Variants in IDE observed in about 807,000 individuals in gnomAD.
IDE encodes insulin degrading enzyme, also known as insulin-degrading enzyme.
Under a neutral mutation model 133.2 loss-of-function variants are expected in IDE, and 58 were observed. That is an observed-to-expected ratio of 0.44 (90% CI 0.35 to 0.54). IDE has a LOEUF of 0.54. Among genes scored for constraint, IDE ranks in the 20% least tolerant of loss-of-function variants. IDE has a pLI of 0.00. For synonymous variants in IDE, 396 were observed against 421.3 expected, an observed-to-expected ratio of 0.94 and a Z score of 0.73; for missense variants, 981 against 1,234.0, an observed-to-expected ratio of 0.79 and a Z score of 3.07.
chr10:92,574,062 T>A lies in IDE; in HGVS notation c.-43A>T, dbSNP rs1478605094. The A allele has an allele frequency of 2.1e-6, 3 of 1,456,572 alleles. No individual in the cohort carries two copies. Among genetic ancestry groups the A allele is most frequent in the South Asian group, 1.3e-5 (1 of 78,136 alleles). The allele number at this position is 1,456,572 out of a possible 1,614,324, so 90.2% of individuals were successfully genotyped here. ...GGGATCACCGCAAACGCTTCCTGCT[T>A]GCGCTTCGAGCCGGCCCTGCGCACT... On this transcript the variant is annotated 5_prime_UTR_variant, in exon 1 of 25. Transcript: ENST00000265986.
chr10:92,544,372 G>C (rs915239933), intron 1 of IDE, among the ~76,000 whole-genome samples: 4 of 152,116 alleles, frequency 2.6e-5, no homozygotes, highest in African/African-American at 7.2e-5. Context: ...CGTAACAGCT[G>C]TTCGCAGTCA....
Position 92,510,175 on chromosome 10 carries a change from A to G in IDE, c.785-13T>C. On this transcript the variant is annotated splice_polypyrimidine_tract_variant and intron_variant, in intron 5 of 24. Coordinates refer to ENST00000265986, the MANE Select transcript of IDE (RefSeq NM_004969.4). ...TCATCTAAAGATTCTACAAGAAAAC[A>G]GACAAGGAAAACAGAACTTAAGCGA... The G allele has an allele frequency of 7.5e-7, 1 of 1,340,268 alleles. No individual in the cohort carries two copies. Among genetic ancestry groups the G allele is most frequent in the Non-Finnish European group, 1.1e-6 (1 of 939,566 alleles). The allele number at this position is 1,340,268 out of a possible 1,614,324, so 83.0% of individuals were successfully genotyped here.
At chr10:92,535,739 C>T (rs778241150) in intron 2 of IDE, among the ~76,000 whole-genome samples, 15 of 151,956 alleles carry the variant, frequency 9.9e-5, no homozygotes, top group Non-Finnish European at 1.9e-4. Flanking sequence ...TGTACACATA[C>T]ATAAAAAGCA....
intron 9 of IDE, among the ~76,000 whole-genome samples, chr10:92,506,933 T>C (rs902896815): frequency 3.9e-5 from 6 of 152,180 alleles, no homozygotes; most frequent in Admixed American, 6.6e-5. Context: ...TAGGAGTTAT[T>C]GTCATAATTT....
At position 92,479,552 on chromosome 10, in the gene IDE, C is replaced by T. The variant is rs897976637; in HGVS notation, c.1740-131G>A. 8 of 691,954 alleles carry T rather than the reference C, an allele frequency of 1.2e-5. 1 individual carries two copies. Among genetic ancestry groups the T allele is most frequent in the African/African-American group, 1.1e-4 (6 of 55,562 alleles). The allele number at this position is 691,954 out of a possible 1,614,324, so 42.9% of individuals were successfully genotyped here. Reference sequence around the variant, plus strand: ...TGAGGATATGGTTGAATTCTTGAGGCTATTTCTTATGAGGAAAAAAAAGAA... The same window carrying T: ...TGAGGATATGGTTGAATTCTTGAGGTTATTTCTTATGAGGAAAAAAAAGAA... On this transcript the variant is annotated intron_variant, in intron 14 of 24. Transcript: ENST00000265986.
intron 11 of IDE, among the ~76,000 whole-genome samples, chr10:92,502,632 C>T (rs1439003297): frequency 6.6e-6 from 1 of 152,158 alleles, no homozygotes; most frequent in African/African-American, 2.4e-5. Context: ...TGAACTATAT[C>T]TCGCCATCCC....
intron 1 of IDE, among the ~76,000 whole-genome samples, chr10:92,550,418 G>A (rs1007131896): frequency 1.3e-5 from 2 of 152,034 alleles, no homozygotes; most frequent in Admixed American, 1.3e-4. Flanking sequence ...CTAATCATTA[G>A]AAAAGTACAA....
intron 13 of IDE, among the ~76,000 whole-genome samples, chr10:92,486,174 C>G (rs765224096): frequency 2.6e-5 from 4 of 151,970 alleles, no homozygotes; most frequent in African/African-American, 9.7e-5. Context: ...CATGGTGAAA[C>G]CCTGTCTCTA....
intron 4 of IDE, among the ~76,000 whole-genome samples, chr10:92,524,522 T>A (rs1302777081): frequency 1.1e-5 from 1 of 87,550 alleles, no homozygotes; most frequent in Admixed American, 2.0e-4. Flanking sequence ...ATAATATATA[T>A]TATATTATAA....
At chr10:92,560,156 A>C (rs1252228143) in intron 1 of IDE, among the ~76,000 whole-genome samples, 1 of 152,212 alleles carries the variant, frequency 6.6e-6, no homozygotes, top group Non-Finnish European at 1.5e-5. Context: ...GCCATATAAT[A>C]ATATCGATAA....
chr10:92,487,355 T>C (rs1368624673), intron 12 of IDE, 37 bp from the exon 13 acceptor site: 2 of 1,586,652 alleles, frequency 1.3e-6, no homozygotes, highest in Non-Finnish European at 8.6e-7. Context: ...GCAGTAAGAG[T>C]CTGATTTAAG....
chr10:92,458,097 C>T (rs1475282930), intron 22 of IDE, among the ~76,000 whole-genome samples: 1 of 152,132 alleles, frequency 6.6e-6, no homozygotes, highest in Non-Finnish European at 1.5e-5. Context: ...AGATTGTTCC[C>T]GATTTTCTGA....
At chr10:92,537,688 G>T in intron 1 of IDE, 138 bp from the exon 2 acceptor site, 1 of 612,324 alleles carries the variant, frequency 1.6e-6, no homozygotes, top group Non-Finnish European at 2.8e-6. Flanking sequence ...ACTCTACAGG[G>T]TGCAGTCATT....
intron 1 of IDE, among the ~76,000 whole-genome samples, chr10:92,543,775 C>G (rs1430124495): frequency 2.0e-5 from 3 of 152,186 alleles, no homozygotes; most frequent in Non-Finnish European, 4.4e-5. Flanking sequence ...AAGCTTAACA[C>G]AGAACACTTT....
At chr10:92,515,126 AG>A in intron 4 of IDE, 84 bp from the exon 5 acceptor site, 2 of 1,073,234 alleles carry the variant, frequency 1.9e-6, no homozygotes, top group Non-Finnish European at 2.7e-6. Flanking sequence ...ATATTGCTTA[AG>A]ATGAACTTTA....
intron 2 of IDE, among the ~76,000 whole-genome samples, chr10:92,535,070 C>A (rs1428055954): frequency 6.6e-6 from 1 of 152,076 alleles, no homozygotes; most frequent in Non-Finnish European, 1.5e-5. Flanking sequence ...GAGCTGGATT[C>A]ACAGTTTTAA....
intron 17 of IDE, among the ~76,000 whole-genome samples, chr10:92,473,779 A>G (rs575196913): frequency 6.6e-6 from 1 of 152,106 alleles, no homozygotes; most frequent in African/African-American, 2.4e-5. Context: ...TCAGGAGTTC[A>G]AGACCAGCCT....
At chr10:92,487,365 G>T in intron 12 of IDE, 47 bp from the exon 13 acceptor site, 7 of 1,551,672 alleles carry the variant, frequency 4.5e-6, no homozygotes, top group Non-Finnish European at 6.2e-6. Context: ...TCTGATTTAA[G>T]AGTTTAAAAT....
chr10:92,540,818 CTG>C (rs1358622092), intron 1 of IDE, among the ~76,000 whole-genome samples: 1 of 152,086 alleles, frequency 6.6e-6, no homozygotes, highest in Non-Finnish European at 1.5e-5. Context: ...AAGCTACACT[CTG>C]TACTTTTTTT....
Sources: allele counts gnomAD v4.1 joint callset (sites outside exome capture counted in the v4.1 genomes callset), GRCh38; gene constraint gnomAD v4.1.1; transcripts MANE v1.5; gene names NCBI Gene and HGNC (gene_info 2026-07-23, HGNC 2026-07-21).